The following ERBB4 variants were observed in gnomAD, a reference collection of about 807,000 sequenced individuals.
ERBB4 encodes the protein erb-b2 receptor tyrosine kinase 4.
In ERBB4, 42 loss-of-function variants were observed where a neutral mutation model predicts 158.0. The ratio of observed to expected loss-of-function variants is 0.27; its 90% CI spans 0.21 to 0.34. The LOEUF (loss-of-function observed/expected upper bound fraction) is 0.34. Ranked by LOEUF, ERBB4 falls within the 10% of genes least tolerant of loss-of-function variation. The pLI is 1.00. For missense variants in ERBB4, 1,333 were observed against 1,624.1 expected (o/e 0.82, Z 3.08); for synonymous variants, 583 against 558.7 (o/e 1.04, Z -0.61).
At chr2:212,271,768 G>A (rs899564922) in intron 1 of ERBB4, among the ~76,000 whole-genome samples, 1 of 151,720 alleles carries the variant, frequency 6.6e-6, no homozygotes, top group East Asian at 1.9e-4. Context: ...TCCAGATAGA[G>A]TTGGTAATAA....
Position 212,257,071 on chromosome 2 carries a change from C to T in ERBB4, c.83-132168G>A, listed in dbSNP as rs75289448. ...AGTTTTCCAGCCCTCCTCCACCCAG[C>T]AGTCCCCAGTGTTTATTGTTCCCAA... is the stretch of plus-strand genomic sequence containing the variant. On this transcript the variant is annotated intron_variant, in intron 1 of 27. Transcript: ENST00000342788. 5.5e-3 allele frequency among the ~76,000 whole-genome samples: 837 copies of T among 152,216 alleles called. 7 individuals are homozygous for T. Among genetic ancestry groups the T allele is most frequent in the African/African-American group, 0.019 (774 of 41,550 alleles).
At chr2:211,415,110 T>TC in intron 25 of ERBB4, among the ~76,000 whole-genome samples, 2 of 73,126 alleles carry the variant, frequency 2.7e-5, no homozygotes, top group Non-Finnish European at 5.8e-5. Context: ...ACATTTTCTT[T>TC]TTTTTTTTTT....
chr2:211,435,703 T>A (rs115479641), intron 20 of ERBB4, among the ~76,000 whole-genome samples: 560 of 152,306 alleles, frequency 3.7e-3, no homozygotes, highest in African/African-American at 0.013. Context: ...AGAATCTAAC[T>A]AATGCCTGAT....
chr2:212,081,632 C>CA (rs2078446450), intron 2 of ERBB4, among the ~76,000 whole-genome samples: 1 of 152,102 alleles, frequency 6.6e-6, no homozygotes, highest in East Asian at 1.9e-4. Context: ...TAGGTTCTTC[C>CA]AAAAGCCACA....
rs556295119 is a variant in ERBB4, at chr2:211,466,571, T to C, written c.2488-35471A>G. ...CATTGCAAATTTATCAACAACTGAG[T>C]TCAGTATGCCTGAAACACTCTGTGG... On this transcript the variant is annotated intron_variant, in intron 20 of 27. Coordinates refer to ENST00000342788, the MANE Select transcript of ERBB4 (RefSeq NM_005235.3). Among the ~76,000 whole-genome samples the C allele has an allele frequency of 8.8e-4, 134 of 152,136 alleles. 1 individual carries two copies. Among genetic ancestry groups the C allele is most frequent in the Admixed American group, 2.4e-3 (36 of 15,254 alleles).
At chr2:212,529,422 G>A (rs942903025) in intron 1 of ERBB4, among the ~76,000 whole-genome samples, 6 of 152,060 alleles carry the variant, frequency 3.9e-5, no homozygotes, top group South Asian at 2.1e-4. Context: ...GAATGATAGC[G>A]TCTTAGAAAC....
At chr2:211,741,740 T>C (rs1404190656) in intron 5 of ERBB4, among the ~76,000 whole-genome samples, 1 of 152,190 alleles carries the variant, frequency 6.6e-6, no homozygotes, top group African/African-American at 2.4e-5. Flanking sequence ...TAATAGCTCC[T>C]GAATCCCATT....
rs77717748 is a variant in ERBB4, at chr2:211,815,522, T to C, written c.422-27363A>G. ...AACAAAATAAAAAGGAGATTTTTTT[T>C]CCCCATAGGAATTTCAACCCCTCAA... On this transcript the variant is annotated intron_variant, in intron 3 of 27. Transcript: ENST00000342788. Among the ~76,000 whole-genome samples, 894 of 152,272 alleles carry C rather than the reference T, an allele frequency of 5.9e-3. 12 individuals are homozygous for C. The highest frequency in any genetic ancestry group is 0.019 in the African/African-American group (810 of 41,568).
chr2:212,383,431 G>A (rs2090576200), intron 1 of ERBB4, among the ~76,000 whole-genome samples: 1 of 151,560 alleles, frequency 6.6e-6, no homozygotes, highest in South Asian at 2.1e-4. Flanking sequence ...AGAAACAAGA[G>A]TATCAAACTT....
intron 3 of ERBB4, among the ~76,000 whole-genome samples, chr2:211,815,233 T>C (rs1433438486): frequency 6.6e-6 from 1 of 152,182 alleles, no homozygotes; most frequent in Non-Finnish European, 1.5e-5. Flanking sequence ...ACTAGAATAA[T>C]AGCAACTATG....
chr2:212,129,027 T>C (rs2080028606), intron 1 of ERBB4, among the ~76,000 whole-genome samples: 1 of 152,092 alleles, frequency 6.6e-6, no homozygotes, highest in Admixed American at 6.5e-5. Flanking sequence ...GGTATTATTA[T>C]ATGGGTTTAT....
At chr2:212,341,825 T>C (rs1560064780) in intron 1 of ERBB4, among the ~76,000 whole-genome samples, 1 of 152,196 alleles carries the variant, frequency 6.6e-6, no homozygotes, top group Non-Finnish European at 1.5e-5. Flanking sequence ...ATAGAGCTAA[T>C]TGCAAGGGAA....
chr2:211,538,943 C>G (rs1305487346), intron 20 of ERBB4, among the ~76,000 whole-genome samples: 1 of 151,808 alleles, frequency 6.6e-6, no homozygotes, highest in Non-Finnish European at 1.5e-5. Context: ...AACCAGTTCT[C>G]CCCATCTTGA....
intron 3 of ERBB4, among the ~76,000 whole-genome samples, chr2:211,855,307 A>T (rs1427331703): frequency 6.6e-6 from 1 of 152,170 alleles, no homozygotes; most frequent in Non-Finnish European, 1.5e-5. Flanking sequence ...TGTCACTCTT[A>T]AAATTATGCC....
At chr2:211,516,698 T>G (rs2066043918) in intron 20 of ERBB4, among the ~76,000 whole-genome samples, 1 of 152,196 alleles carries the variant, frequency 6.6e-6, no homozygotes, top group East Asian at 1.9e-4. Context: ...TGAAACTAAA[T>G]AAGGGTGAAA....
At chr2:211,620,759 A>G (rs1054849336) in intron 18 of ERBB4, among the ~76,000 whole-genome samples, 9 of 152,178 alleles carry the variant, frequency 5.9e-5, no homozygotes, top group Admixed American at 5.9e-4. Context: ...TAAAGTAACC[A>G]CAGAGAAGAT....
chr2:212,196,311 A>C (rs1574413239), intron 1 of ERBB4, among the ~76,000 whole-genome samples: 1 of 152,140 alleles, frequency 6.6e-6, no homozygotes, highest in Non-Finnish European at 1.5e-5. Context: ...ATATTCATTA[A>C]GTGGAAGCAG....
chr2:211,782,565 T>C (rs1295209896), intron 4 of ERBB4, among the ~76,000 whole-genome samples: 1 of 152,178 alleles, frequency 6.6e-6, no homozygotes, highest in African/African-American at 2.4e-5. Flanking sequence ...TGTAAATAAG[T>C]TGCCCTCTAA....
chr2:212,382,152 A>G (rs1017175612), intron 1 of ERBB4, among the ~76,000 whole-genome samples: 1 of 150,346 alleles, frequency 6.7e-6, no homozygotes, highest in African/African-American at 2.4e-5. Flanking sequence ...TATTATACAC[A>G]TACAATATAT....
Sources: gnomAD v4.1 joint callset for allele counts (sites outside exome capture counted in the v4.1 genomes callset) on GRCh38, gnomAD v4.1.1 for gene constraint, MANE v1.5 for transcripts, NCBI Gene and HGNC (gene_info 2026-07-23, HGNC 2026-07-21) for gene names.